ROBO1: variants seen among roughly 807,000 people sequenced by gnomAD.
The protein encoded by ROBO1 is roundabout homolog 1.
A neutral mutation model predicts 195.9 loss-of-function variants in ROBO1; 149 were observed. The ratio of observed to expected loss-of-function variants is 0.76; its 90% CI spans 0.67 to 0.87. The LOEUF is 0.87. Ranked by LOEUF, ROBO1 falls within the 40% of genes least tolerant of loss-of-function variation. The pLI is 0.00. For missense variants in ROBO1, 1,933 were observed against 2,068.3 expected (o/e 0.93, Z 1.27); for synonymous variants, 816 against 733.2 (o/e 1.11, Z -1.82).
chr3:79,619,026 C>A lies in ROBO1; in HGVS notation c.-50-29065G>T, dbSNP rs181516598. Among the ~76,000 whole-genome samples the A allele has an allele frequency of 4.4e-3, 671 of 152,296 alleles. 3 individuals are homozygous for A. The highest frequency in any genetic ancestry group is 0.015 in the African/African-American group (619 of 41,576). On this transcript the variant is annotated intron_variant, in intron 1 of 30. Coordinates refer to ENST00000464233, the MANE Select transcript of ROBO1 (RefSeq NM_002941.4). ...GACACCTGCCTTGATCATTCACCCA[C>A]ATTCCATTGGTGTCTGATCACTGCG...
intron 2 of ROBO1, among the ~76,000 whole-genome samples, chr3:79,570,184 A>G (rs1319778856): frequency 6.6e-6 from 1 of 152,104 alleles, no homozygotes; most frequent in Non-Finnish European, 1.5e-5. Flanking sequence ...AAATAGGTGA[A>G]CAATTTCCTA....
chr3:79,758,333 G>A (rs1704517660), intron 1 of ROBO1, among the ~76,000 whole-genome samples: 2 of 152,132 alleles, frequency 1.3e-5, no homozygotes, highest in African/African-American at 4.8e-5. Context: ...TTAAAAATCA[G>A]TTCCTTTGTT....
chr3:79,402,029 CT>C (rs1342545425), intron 2 of ROBO1, among the ~76,000 whole-genome samples: 5 of 151,502 alleles, frequency 3.3e-5, no homozygotes, highest in African/African-American at 9.7e-5. Context: ...CATTTTGATT[CT>C]TTTTTATTTT....
intron 2 of ROBO1, among the ~76,000 whole-genome samples, chr3:79,422,513 C>A (rs2038269169): frequency 6.6e-6 from 1 of 152,044 alleles, no homozygotes; most frequent in Non-Finnish European, 1.5e-5. Context: ...ATTAGTTAAA[C>A]CATCTTTCTG....
At chr3:79,410,439 A>G (rs936658784) in intron 2 of ROBO1, among the ~76,000 whole-genome samples, 1 of 152,168 alleles carries the variant, frequency 6.6e-6, no homozygotes, top group Non-Finnish European at 1.5e-5. Flanking sequence ...AAAATAAAAC[A>G]AATGAAAAAA....
At chr3:78,627,255 T>C (rs7625555) in intron 26 of ROBO1, 66 bp downstream of exon 26, 802,271 of 1,525,044 alleles carry the variant, frequency 0.53, 213,250 homozygotes, top group East Asian at 0.73. Flanking sequence ...GGATAGCATT[T>C]GGTAACTTCC....
At chr3:79,021,152 A>G (rs148926895) in intron 3 of ROBO1, among the ~76,000 whole-genome samples, 74 of 152,334 alleles carry the variant, frequency 4.9e-4, no homozygotes, top group African/African-American at 1.7e-3. Flanking sequence ...ATAAGAATTC[A>G]AAGACTCCAA....
intron 3 of ROBO1, among the ~76,000 whole-genome samples, chr3:78,970,731 C>T (rs763946106): frequency 1.3e-5 from 2 of 152,044 alleles, no homozygotes; most frequent in South Asian, 2.1e-4. Context: ...TATAATTTAT[C>T]CCATTTAATT....
chr3:79,251,810 C>A (rs576579434), intron 2 of ROBO1, among the ~76,000 whole-genome samples: 16 of 152,018 alleles, frequency 1.1e-4, no homozygotes, highest in African/African-American at 3.9e-4. Context: ...ATTAGCCAGG[C>A]ATGGTGGCGC....
intron 2 of ROBO1, among the ~76,000 whole-genome samples, chr3:79,174,413 A>G (rs1397707637): frequency 5.3e-5 from 8 of 152,018 alleles, no homozygotes. Flanking sequence ...AACACATCCG[A>G]ACATTGGAAA....
intron 3 of ROBO1, among the ~76,000 whole-genome samples, chr3:79,030,850 T>A (rs1446580750): frequency 1.3e-5 from 2 of 152,126 alleles, no homozygotes; most frequent in African/African-American, 4.8e-5. Context: ...GCCTCCCAAG[T>A]AGCTGGGATT....
chr3:79,284,354 G>A (rs897366714), intron 2 of ROBO1, among the ~76,000 whole-genome samples: 3 of 151,952 alleles, frequency 2.0e-5, no homozygotes, highest in African/African-American at 7.3e-5. Flanking sequence ...GAAAACATAG[G>A]TTAATTATAA....
chr3:78,889,602 G>A (rs1002381792), intron 4 of ROBO1, among the ~76,000 whole-genome samples: 5 of 152,006 alleles, frequency 3.3e-5, no homozygotes, highest in Admixed American at 2.6e-4. Context: ...CATGTGTATT[G>A]CCAGTTGGGC....
chr3:79,659,017 G>A (rs149114380), intron 1 of ROBO1, among the ~76,000 whole-genome samples: 1 of 151,922 alleles, frequency 6.6e-6, no homozygotes, highest in African/African-American at 2.4e-5. Flanking sequence ...TTACAGGTGT[G>A]AGCCACTGCA....
chr3:79,293,811 C>A (rs1453448806), intron 2 of ROBO1, among the ~76,000 whole-genome samples: 1 of 152,096 alleles, frequency 6.6e-6, no homozygotes, highest in Middle Eastern at 3.4e-3. Context: ...GTAATCCCAG[C>A]ACTTTGGGAG....
intron 2 of ROBO1, among the ~76,000 whole-genome samples, chr3:79,503,593 C>A (rs1457412572): frequency 6.6e-6 from 1 of 152,160 alleles, no homozygotes; most frequent in Non-Finnish European, 1.5e-5. Context: ...CAAAACCACA[C>A]AGCTCCTGTG....
intron 1 of ROBO1, among the ~76,000 whole-genome samples, chr3:79,658,222 C>A (rs1013330323): frequency 1.2e-4 from 18 of 151,974 alleles, no homozygotes; most frequent in African/African-American, 4.3e-4. Context: ...TGATGGAGTG[C>A]CCACCCGTAT....
chr3:79,763,606 G>A (rs751000483), intron 1 of ROBO1, among the ~76,000 whole-genome samples: 76 of 152,238 alleles, frequency 5.0e-4, no homozygotes, highest in Admixed American at 4.1e-3. Context: ...TGAAACTGAC[G>A]TACTGGATCC....
chr3:79,051,087 A>G (rs1371451866), intron 3 of ROBO1, among the ~76,000 whole-genome samples: 1 of 152,102 alleles, frequency 6.6e-6, no homozygotes, highest in Non-Finnish European at 1.5e-5. Context: ...ATAGAGACAC[A>G]AAAAACCCTT....
Sources: allele counts gnomAD v4.1 joint callset (sites outside exome capture counted in the v4.1 genomes callset), GRCh38; gene constraint gnomAD v4.1.1; transcripts MANE v1.5; gene names NCBI Gene and HGNC (gene_info 2026-07-23, HGNC 2026-07-21).